The following TLN2 variants were observed in gnomAD, a reference collection of about 807,000 sequenced individuals.
The protein encoded by TLN2 is talin 2.
TLN2 carries 118 observed loss-of-function variants against 294.7 expected under a neutral mutation model. The ratio of observed to expected loss-of-function variants is 0.40; its 90% CI spans 0.34 to 0.47. The LOEUF (loss-of-function observed/expected upper bound fraction) is 0.47, where lower values mean the gene tolerates loss of function less well. Ranked by LOEUF, TLN2 falls within the 20% of genes least tolerant of loss-of-function variation. The pLI is 0.84. For missense variants in TLN2, 3,083 were observed against 3,282.2 expected (o/e 0.94, Z 1.48); for synonymous variants, 1,431 against 1,304.5 (o/e 1.10, Z -2.09).
At chr15:62,662,733 A>C (rs1002210874) in intron 9 of TLN2, among the ~76,000 whole-genome samples, 2 of 152,152 alleles carry the variant, frequency 1.3e-5, no homozygotes, top group Non-Finnish European at 2.9e-5. Flanking sequence ...TAAGTAAGTA[A>C]AATACATAAT....
At chr15:62,767,677 A>G (rs1327090348) in intron 41 of TLN2, among the ~76,000 whole-genome samples, 5 of 152,200 alleles carry the variant, frequency 3.3e-5, no homozygotes, top group Admixed American at 3.3e-4. Flanking sequence ...TTTATACGGC[A>G]ATTAGAAAAG....
intron 54 of TLN2, among the ~76,000 whole-genome samples, chr15:62,826,447 C>CTGTT (rs1567689808): frequency 2.0e-5 from 3 of 152,192 alleles, no homozygotes; most frequent in African/African-American, 7.2e-5. Context: ...CCCATTTTGC[C>CTGTT]TGTTTAAGGT....
intron 1 of TLN2, among the ~76,000 whole-genome samples, chr15:62,573,500 C>T (rs1192503088): frequency 6.6e-6 from 1 of 152,108 alleles, no homozygotes; most frequent in East Asian, 1.9e-4. Context: ...AGCTCCTTAC[C>T]CCTCCTCTTC....
intron 1 of TLN2, among the ~76,000 whole-genome samples, chr15:62,527,870 G>A (rs996809616): frequency 6.6e-6 from 1 of 152,120 alleles, no homozygotes; most frequent in Non-Finnish European, 1.5e-5. Flanking sequence ...GAATCCTATA[G>A]CCACTAACCA....
intron 1 of TLN2, among the ~76,000 whole-genome samples, chr15:62,428,859 T>A (rs755035466): frequency 1.3e-5 from 2 of 152,226 alleles, no homozygotes; most frequent in Non-Finnish European, 2.9e-5. Context: ...ATTAATAATA[T>A]GAATTTAGTA....
intron 9 of TLN2, among the ~76,000 whole-genome samples, chr15:62,660,694 G>C (rs1349958953): frequency 6.6e-6 from 1 of 152,206 alleles, no homozygotes; most frequent in Non-Finnish European, 1.5e-5. Flanking sequence ...GGGTTCATGT[G>C]AAATTTTGTT....
rs559462451 is a variant in TLN2 at position 62,483,328 on chromosome 15, A to G, written c.-238+92643A>G. Among the ~76,000 whole-genome samples the G allele has an allele frequency of 9.2e-5, 14 of 152,208 alleles. No homozygotes were observed. In the South Asian group the frequency reaches 2.9e-3, roughly 32 times the overall value. ...CAGGGTGAGCTCTGCTGACCTGGCT[A>G]CCCACCACAGGCTGCTTCCTTCTGT... On this transcript the variant is annotated intron_variant, in intron 1 of 58. Coordinates refer to ENST00000636159, the MANE Select transcript of TLN2 (RefSeq NM_015059.3).
At chr15:62,447,817 A>G (rs1028906296) in intron 1 of TLN2, among the ~76,000 whole-genome samples, 1 of 152,174 alleles carries the variant, frequency 6.6e-6, no homozygotes, top group African/African-American at 2.4e-5. Context: ...CCCAGAGGCT[A>G]TGAAGGGTGC....
At chr15:62,652,264 C>G (rs1440582225) in intron 6 of TLN2, 130 bp downstream of exon 6, 19 of 983,886 alleles carry the variant, frequency 1.9e-5, no homozygotes, top group Non-Finnish European at 2.5e-5. Context: ...CTGCCTAATC[C>G]CCAGAGGGTG....
intron 1 of TLN2, among the ~76,000 whole-genome samples, chr15:62,443,571 C>A (rs956169898): frequency 5.9e-5 from 9 of 152,170 alleles, no homozygotes; most frequent in African/African-American, 2.2e-4. Flanking sequence ...ATTAAAATTC[C>A]TGAACTTCAA....
intron 32 of TLN2, among the ~76,000 whole-genome samples, chr15:62,744,117 G>A (rs2061481353): frequency 1.3e-5 from 2 of 152,242 alleles, no homozygotes; most frequent in South Asian, 4.2e-4. Context: ...ATGTCACTCA[G>A]CCCTGACTTT....
At chr15:62,826,374 C>A (rs115429658) in intron 54 of TLN2, among the ~76,000 whole-genome samples, 1 of 152,162 alleles carries the variant, frequency 6.6e-6, no homozygotes. Flanking sequence ...GCGTATTCCT[C>A]GGATGCGGAG....
intron 14 of TLN2, among the ~76,000 whole-genome samples, chr15:62,695,460 C>T (rs1044145539): frequency 2.0e-5 from 3 of 152,100 alleles, no homozygotes; most frequent in African/African-American, 7.2e-5. Context: ...TCCCAGTCCA[C>T]GGATAAGGAA....
chr15:62,776,216 T>TTAC (rs1403932207), intron 42 of TLN2, among the ~76,000 whole-genome samples: 1 of 152,144 alleles, frequency 6.6e-6, no homozygotes, highest in African/African-American at 2.4e-5. Flanking sequence ...ACTCAGGGCT[T>TTAC]TACCGGCAGG....
intron 10 of TLN2, among the ~76,000 whole-genome samples, chr15:62,674,879 C>G (rs1159250359): frequency 6.6e-6 from 1 of 152,216 alleles, no homozygotes; most frequent in Non-Finnish European, 1.5e-5. Context: ...AGTCTTGGCT[C>G]TCAACCATTT....
At position 62,523,154 on chromosome 15, in the gene TLN2, C is replaced by CA. The variant is rs2040558284; in HGVS notation, c.-237-66532dup. ...GACCAGAAGTTTATATAAAGTACAT[C>CA]ATGGCACAGCTGTTCTTACAGAGCC... On this transcript the variant is annotated intron_variant, in intron 1 of 58. Transcript: ENST00000636159. Among the ~76,000 whole-genome samples the CA allele has an allele frequency of 7.2e-5, 11 of 152,288 alleles. No homozygotes were observed. In the South Asian group the frequency reaches 2.3e-3, roughly 32 times the overall value.
chr15:62,604,685 C>T (rs932275246), intron 2 of TLN2, among the ~76,000 whole-genome samples: 1 of 139,786 alleles, frequency 7.2e-6, no homozygotes, highest in African/African-American at 2.7e-5. Flanking sequence ...GATTTCTTCT[C>T]TTCGTCTTCT....
At chr15:62,461,595 T>C (rs2036809762) in intron 1 of TLN2, among the ~76,000 whole-genome samples, 1 of 152,216 alleles carries the variant, frequency 6.6e-6, no homozygotes, top group Admixed American at 6.5e-5. Flanking sequence ...TTACTGAGCA[T>C]CACTGCGGGC....
At chr15:62,623,316 C>T (rs1359118017) in intron 3 of TLN2, among the ~76,000 whole-genome samples, 1 of 152,156 alleles carries the variant, frequency 6.6e-6, no homozygotes, top group African/African-American at 2.4e-5. Context: ...ATTGGTTTGA[C>T]AAATGCAGGA....
Sources: gnomAD v4.1 joint callset for allele counts (sites outside exome capture counted in the v4.1 genomes callset) on GRCh38, gnomAD v4.1.1 for gene constraint, MANE v1.5 for transcripts, NCBI Gene and HGNC (gene_info 2026-07-23, HGNC 2026-07-21) for gene names.